Variants in CD3G observed in about 807,000 individuals in gnomAD.
CD3G encodes the protein T-cell surface glycoprotein CD3 gamma chain.
Under a neutral mutation model 28.3 loss-of-function variants are expected in CD3G, and 24 were observed. That is an observed-to-expected ratio of 0.85 (90% CI 0.61 to 1.19). The LOEUF (loss-of-function observed/expected upper bound fraction) is 1.19, where lower values mean the gene tolerates loss of function less well. Ranked by LOEUF, CD3G falls within the 50% of genes most tolerant of loss-of-function variation. The pLI is 0.00. For synonymous variants in CD3G, 71 were observed against 75.9 expected (o/e 0.93, Z 0.34); for missense variants, 211 against 210.0 (o/e 1.00, Z -0.03).
At chr11:118,350,311 C>A (rs938999465) in intron 3 of CD3G, 2 of 588,004 alleles carry the variant, frequency 3.4e-6, no homozygotes, top group Non-Finnish European at 6.0e-6. Context: ...AGTATCTAGT[C>A]TTCCTTCTGT....
At chr11:118,346,390 C>T (rs1022256402) in intron 1 of CD3G, among the ~76,000 whole-genome samples, 2 of 151,504 alleles carry the variant, frequency 1.3e-5, no homozygotes, top group Non-Finnish European at 2.9e-5. Context: ...TGAGCCAACA[C>T]GGTGCCACTG....
Position 118,353,759 on chromosome 11 carries a change from G to C in CD3G, c.*659G>C, listed in dbSNP as rs1423833814. 6.6e-6 allele frequency: 1 copy of C among 151,978 alleles called. No individual in the cohort carries two copies. Among genetic ancestry groups the C allele is most frequent in the Non-Finnish European group, 1.5e-5 (1 of 68,058 alleles). 9.4% of individuals were successfully genotyped at this position (151,978 alleles called of 1,614,324 possible). On this transcript the variant is annotated 3_prime_UTR_variant, in exon 7 of 7. Coordinates refer to ENST00000532917, the MANE Select transcript of CD3G (RefSeq NM_000073.3). ...TTGGCCAAGCTGGTCTCGAACTCCT[G>C]ACCTCAAGTGATCCGCCCGCCTCAG...
chr11:118,350,328 T>C lies in CD3G; in HGVS notation c.308-224T>C, dbSNP rs559541474. The C allele has an allele frequency of 7.7e-5, 46 of 599,566 alleles. No individual in the cohort carries two copies. In the African/African-American group the frequency reaches 8.0e-4, roughly 10 times the overall value. The allele number at this position is 599,566 out of a possible 1,614,324, so 37.1% of individuals were successfully genotyped here. On this transcript the variant is annotated intron_variant, in intron 3 of 6. Coordinates refer to ENST00000532917, the MANE Select transcript of CD3G (RefSeq NM_000073.3). ...TATCTAGTCTTCCTTCTGTTCCAGA[T>C]ACTTCCTGGTAGTTAGACTACATGG...
intron 5 of CD3G, 82 bp from the exon 6 acceptor site, chr11:118,352,322 A>G (rs1435045204): frequency 1.7e-6 from 2 of 1,177,626 alleles, no homozygotes; most frequent in Non-Finnish European, 2.6e-6. Flanking sequence ...ATTCTCACAT[A>G]TAAAAAACAT....
chr11:118,349,576 C>G, intron 2 of CD3G, 167 bp from the exon 3 acceptor site: 1 of 680,464 alleles, frequency 1.5e-6, no homozygotes, highest in East Asian at 2.7e-5. Context: ...AGAATCTCCC[C>G]TCCCCAGAAC....
At chr11:118,352,142 G>A (rs1948415374) in intron 5 of CD3G, among the ~76,000 whole-genome samples, 1 of 151,968 alleles carries the variant, frequency 6.6e-6, no homozygotes, top group South Asian at 2.1e-4. Flanking sequence ...CTTGAACCCA[G>A]GAGGTCGAGG....
chr11:118,345,884 G>A (rs565106391), intron 1 of CD3G, among the ~76,000 whole-genome samples: 8 of 152,340 alleles, frequency 5.3e-5, no homozygotes, highest in East Asian at 1.9e-4. Flanking sequence ...GGTGATGACC[G>A]GTTGGGAGAC....
intron 1 of CD3G, among the ~76,000 whole-genome samples, chr11:118,347,323 C>T (rs1948366056): frequency 6.6e-6 from 1 of 152,220 alleles, no homozygotes; most frequent in African/African-American, 2.4e-5. Context: ...GATCCTCACC[C>T]TTGGACAAAA....
intron 1 of CD3G, among the ~76,000 whole-genome samples, 179 bp downstream of exon 1, chr11:118,344,657 C>T (rs1948338814): frequency 6.6e-6 from 1 of 152,200 alleles, no homozygotes; most frequent in African/African-American, 2.4e-5. Flanking sequence ...AACAGTGTCC[C>T]ATGGAGGAGA....
rs1226309530 is a variant in CD3G at position 118,349,054 on chromosome 11, G to A, written c.79+4G>A. ...ACTTTGGCCCAGTCAATCAAAGGTA[G>A]GAGAAATGGCTTCTTTCTATACTCA... On this transcript the variant is annotated splice_donor_region_variant and intron_variant, in intron 2 of 6. Coordinates refer to ENST00000532917, the MANE Select transcript of CD3G (RefSeq NM_000073.3). 5.6e-6 allele frequency: 9 copies of A among 1,613,996 alleles called. No individual in the cohort carries two copies. Among genetic ancestry groups the A allele is most frequent in the African/African-American group, 2.7e-5 (2 of 74,910 alleles).
intron 1 of CD3G, among the ~76,000 whole-genome samples, chr11:118,345,805 G>A (rs912267171): frequency 6.6e-6 from 1 of 152,152 alleles, no homozygotes; most frequent in African/African-American, 2.4e-5. Context: ...AAAGGAGAAA[G>A]GACAATAACA....
intron 4 of CD3G, 85 bp from the exon 5 acceptor site, chr11:118,351,543 T>C (rs1343734726): frequency 2.4e-6 from 3 of 1,253,110 alleles, no homozygotes; most frequent in Non-Finnish European, 3.5e-6. Context: ...AAAACTCTTA[T>C]TGTTATTTAG....
intron 1 of CD3G, among the ~76,000 whole-genome samples, 160 bp from the exon 2 acceptor site, chr11:118,348,867 A>G (rs1334359530): frequency 6.6e-6 from 1 of 152,230 alleles, no homozygotes; most frequent in East Asian, 1.9e-4. Context: ...AATTCAATTG[A>G]GTGATTTAGT....
Position 118,353,098 on chromosome 11 carries a change from TTGC to T in CD3G, c.*19-20_*19-18del, listed in dbSNP as rs1204879373. The T allele has an allele frequency of 1.3e-5, 2 of 156,378 alleles. No homozygotes were observed. Among genetic ancestry groups the T allele is most frequent in the East Asian group, 3.8e-4 (2 of 5,308 alleles). The allele number at this position is 156,378 out of a possible 1,614,324, so 9.7% of individuals were successfully genotyped here. A position where few individuals can be genotyped will look rare whatever the true frequency, so the allele number is the denominator to read the frequency against. ...GCATTATTTGTTTTTTTTGAACAAA[TTGC>T]AATTTTTCTTTTTTCAGTCCAGGTG... On this transcript the variant is annotated intron_variant, in intron 6 of 6. Coordinates refer to ENST00000532917, the MANE Select transcript of CD3G (RefSeq NM_000073.3).
intron 5 of CD3G, 137 bp from the exon 6 acceptor site, chr11:118,352,267 C>T (rs1948416745): frequency 1.3e-6 from 1 of 788,314 alleles, no homozygotes; most frequent in East Asian, 2.4e-5. Flanking sequence ...GCCTCCATCT[C>T]CTTGTCCTCT....
At chr11:118,348,897 G>A in intron 1 of CD3G, 130 bp from the exon 2 acceptor site, 1 of 1,023,732 alleles carries the variant, frequency 9.8e-7, no homozygotes. Context: ...GGAAAACTAA[G>A]TATAGATACT....
intron 1 of CD3G, among the ~76,000 whole-genome samples, chr11:118,345,572 G>T (rs764829003): frequency 2.6e-5 from 4 of 152,120 alleles, no homozygotes; most frequent in Non-Finnish European, 4.4e-5. Flanking sequence ...AGGAAGTAGA[G>T]TCTAAGAATA....
rs1948438541 is a variant in CD3G at position 118,355,058 on chromosome 11, T to C, written c.*1958T>C. 1.3e-5 allele frequency: 2 copies of C among 152,126 alleles called. No homozygotes were observed. Among genetic ancestry groups the C allele is most frequent in the South Asian group, 4.1e-4 (2 of 4,832 alleles). 9.4% of individuals were successfully genotyped at this position (152,126 alleles called of 1,614,324 possible). On this transcript the variant is annotated 3_prime_UTR_variant, in exon 7 of 7. Transcript: ENST00000532917. The stretch of plus-strand genomic sequence containing the variant: ...ACAAAGATTTTCTCCTGTCTTCTTT[T>C]TATACTTTTTACAGCTTTATGGTTT...
intron 3 of CD3G, chr11:118,350,198 T>C (rs963372750): frequency 3.4e-6 from 2 of 587,556 alleles, no homozygotes; most frequent in African/African-American, 3.7e-5. Context: ...GTGGGCTCCA[T>C]GGATTCAAGC....
Sources: gnomAD v4.1 joint callset for allele counts (sites outside exome capture counted in the v4.1 genomes callset) on GRCh38, gnomAD v4.1.1 for gene constraint, MANE v1.5 for transcripts, NCBI Gene and HGNC (gene_info 2026-07-23, HGNC 2026-07-21) for gene names.